The following ZC2HC1A variants were observed in gnomAD, a reference collection of about 807,000 sequenced individuals.
The protein encoded by ZC2HC1A is zinc finger C2HC-type containing 1A, also known as zinc finger C2HC domain-containing protein 1A.
A neutral mutation model predicts 40.7 loss-of-function variants in ZC2HC1A; 28 were observed. That is an observed-to-expected ratio of 0.69 (90% CI 0.51 to 0.94). The LOEUF (loss-of-function observed/expected upper bound fraction) is 0.94. Among genes scored for constraint, ZC2HC1A ranks in the 40% least tolerant of loss-of-function variants. ZC2HC1A has a pLI of 0.00. For synonymous variants in ZC2HC1A, 129 were observed against 129.2 expected (o/e 1.00, Z 0.01); for missense variants, 389 against 386.3 (o/e 1.01, Z -0.06).
Position 78,666,109 on chromosome 8 carries a change from G to A in ZC2HC1A, c.-40G>A, listed in dbSNP as rs890226118. 16 of 1,558,576 alleles carry A rather than the reference G, an allele frequency of 1.0e-5. No individual in the cohort carries two copies. The African/African-American group carries it at 1.6e-4, about 16-fold the overall frequency. ...CAGCCAGAGCTGGGCGGTGGCGGGC[G>A]CTGCTGAAGGAGTCTCGCTGAGCTC... On this transcript the variant is annotated 5_prime_UTR_variant, in exon 1 of 9. Transcript: ENST00000263849.
intron 7 of ZC2HC1A, among the ~76,000 whole-genome samples, chr8:78,706,391 C>A (rs1025582607): frequency 6.6e-6 from 1 of 152,060 alleles, no homozygotes; most frequent in Non-Finnish European, 1.5e-5. Flanking sequence ...TTGCCTGTGC[C>A]GGAGCAGCTG....
intron 2 of ZC2HC1A, among the ~76,000 whole-genome samples, chr8:78,676,576 G>A (rs978185205): frequency 3.3e-5 from 5 of 151,934 alleles, no homozygotes; most frequent in African/African-American, 1.2e-4. Flanking sequence ...ATTTTTCTGT[G>A]AATGTATATC....
rs372721773 is a variant in ZC2HC1A at position 78,702,709 on chromosome 8, ATTAT to A, written c.704+4201_704+4204del. 2.6e-3 allele frequency among the ~76,000 whole-genome samples: 403 copies of A among 152,160 alleles called. 3 individuals are homozygous for A. Among genetic ancestry groups the A allele is most frequent in the African/African-American group, 9.1e-3 (376 of 41,518 alleles). ...ACTTCCCGATTTCTGCGTTAATTTC[ATTAT>A]TTATCCAAAAATCATTCAGGAGAAG... On this transcript the variant is annotated intron_variant, in intron 7 of 8. Coordinates refer to ENST00000263849, the MANE Select transcript of ZC2HC1A (RefSeq NM_016010.3).
intron 7 of ZC2HC1A, among the ~76,000 whole-genome samples, chr8:78,712,976 T>C (rs1377841528): frequency 6.6e-6 from 1 of 152,216 alleles, no homozygotes; most frequent in East Asian, 1.9e-4. Context: ...AGCCATTTGC[T>C]ATTTTTAAGT....
intron 8 of ZC2HC1A, among the ~76,000 whole-genome samples, chr8:78,716,224 G>A (rs1343550890): frequency 3.3e-5 from 5 of 151,266 alleles, no homozygotes; most frequent in Non-Finnish European, 7.4e-5. Context: ...CCAGGTTCAC[G>A]CCATTCTCCT....
chr8:78,681,791 A>T (rs1223567515), intron 3 of ZC2HC1A, among the ~76,000 whole-genome samples: 1 of 151,988 alleles, frequency 6.6e-6, no homozygotes, highest in Admixed American at 6.6e-5. Flanking sequence ...TGTCATAATT[A>T]TTAAATTTAT....
intron 3 of ZC2HC1A, chr8:78,679,233 G>A (rs929108499): frequency 1.7e-4 from 26 of 152,094 alleles, no homozygotes; most frequent in African/African-American, 6.0e-4. Context: ...TGAAACCAAA[G>A]CAATGAATCT....
At chr8:78,689,977 T>C (rs1336727531) in intron 5 of ZC2HC1A, among the ~76,000 whole-genome samples, 1 of 152,234 alleles carries the variant, frequency 6.6e-6, no homozygotes, top group Non-Finnish European at 1.5e-5. Flanking sequence ...TATTTGTGTA[T>C]AGTGTGAAGT....
intron 3 of ZC2HC1A, among the ~76,000 whole-genome samples, chr8:78,681,392 G>A (rs977517816): frequency 4.6e-5 from 7 of 152,200 alleles, no homozygotes; most frequent in African/African-American, 1.7e-4. Context: ...AATAATCACA[G>A]AGCAGATGAA....
chr8:78,698,856 A>C (rs1174958690), intron 7 of ZC2HC1A, among the ~76,000 whole-genome samples: 1 of 152,182 alleles, frequency 6.6e-6, no homozygotes, highest in African/African-American at 2.4e-5. Context: ...GACATTTTGC[A>C]TATATTTTTG....
intron 7 of ZC2HC1A, among the ~76,000 whole-genome samples, chr8:78,711,577 A>G (rs1810951615): frequency 6.6e-6 from 1 of 152,162 alleles, no homozygotes; most frequent in Non-Finnish European, 1.5e-5. Context: ...AATTTTAAAA[A>G]GCACGGAAAT....
chr8:78,715,417 C>A, intron 8 of ZC2HC1A, 89 bp downstream of exon 8: 1 of 1,214,602 alleles, frequency 8.2e-7, no homozygotes, highest in Non-Finnish European at 1.1e-6. Context: ...AAGTAACAAG[C>A]TATTTATAGA....
At position 78,717,626 on chromosome 8, in the gene ZC2HC1A, T is replaced by C. The variant is rs1020434301; in HGVS notation, c.*133T>C. On this transcript the variant is annotated 3_prime_UTR_variant, in exon 9 of 9. Coordinates refer to ENST00000263849, the MANE Select transcript of ZC2HC1A (RefSeq NM_016010.3). ...ACCATTTCCAGTTAATTTTGAAGTG[T>C]AATCTTTTGGCTATATAATGTGTGT... The C allele has an allele frequency of 2.0e-6, 2 of 1,021,960 alleles. No individual in the cohort carries two copies. Among genetic ancestry groups the C allele is most frequent in the South Asian group, 1.8e-5 (1 of 56,714 alleles). The allele number at this position is 1,021,960 out of a possible 1,614,324, so 63.3% of individuals were successfully genotyped here. A position where few individuals can be genotyped will look rare whatever the true frequency, so the allele number is the denominator to read the frequency against.
intron 1 of ZC2HC1A, among the ~76,000 whole-genome samples, chr8:78,671,122 T>A (rs992371199): frequency 1.3e-5 from 2 of 152,176 alleles, no homozygotes; most frequent in Non-Finnish European, 2.9e-5. Context: ...TCTTTGAAAA[T>A]GTTCTCTCAT....
intron 1 of ZC2HC1A, among the ~76,000 whole-genome samples, chr8:78,666,994 G>C (rs147931896): frequency 8.5e-4 from 129 of 152,308 alleles, no homozygotes; most frequent in African/African-American, 2.8e-3. Context: ...AATTTGTTAT[G>C]ATGAAGAACA....
In ZC2HC1A at chr8:78,686,837, C is replaced by T. The variant is rs74603297; in HGVS notation, c.352+229C>T. ...TTTTATTTTAATACTTTTATTTAAA[C>T]AAGGCATTATAATATCATTTAAAAA... On this transcript the variant is annotated intron_variant, in intron 4 of 8. Transcript: ENST00000263849. Among the ~76,000 whole-genome samples, 451 of 152,060 alleles carry T rather than the reference C, an allele frequency of 3.0e-3. 2 individuals are homozygous for T. The highest frequency in any genetic ancestry group is 0.01 in the African/African-American group (417 of 41,486).
chr8:78,707,742 G>A (rs1488764899), intron 7 of ZC2HC1A, among the ~76,000 whole-genome samples: 2 of 152,018 alleles, frequency 1.3e-5, no homozygotes, highest in African/African-American at 4.8e-5. Flanking sequence ...AGAGAGCTGT[G>A]GAGCTCATTT....
chr8:78,706,464 G>A (rs1010808014), intron 7 of ZC2HC1A, among the ~76,000 whole-genome samples: 4 of 152,148 alleles, frequency 2.6e-5, no homozygotes, highest in African/African-American at 9.7e-5. Context: ...GGCTTCACAA[G>A]GGCGTCTCTT....
chr8:78,671,123 G>A (rs1469495651), intron 1 of ZC2HC1A, among the ~76,000 whole-genome samples: 2 of 152,152 alleles, frequency 1.3e-5, no homozygotes, highest in Admixed American at 6.5e-5. Context: ...CTTTGAAAAT[G>A]TTCTCTCATA....
Sources: allele counts gnomAD v4.1 joint callset (sites outside exome capture counted in the v4.1 genomes callset), GRCh38; gene constraint gnomAD v4.1.1; transcripts MANE v1.5; gene names NCBI Gene and HGNC (gene_info 2026-07-23, HGNC 2026-07-21).